Variants in ADD3 observed in about 807,000 individuals in gnomAD.
The protein encoded by ADD3 is adducin 3.
Under a neutral mutation model 80.2 loss-of-function variants are expected in ADD3, and 25 were observed. The observed-to-expected ratio is 0.31, with a 90% CI of 0.23 to 0.44. The LOEUF (loss-of-function observed/expected upper bound fraction) is 0.44, where lower values mean the gene tolerates loss of function less well. Among genes scored for constraint, ADD3 ranks in the 20% least tolerant of loss-of-function variants. The probability of loss-of-function intolerance (pLI) is 1.00; values close to 1 mark genes in which losing one functional copy is unlikely to be tolerated. For synonymous variants in ADD3, 284 were observed against 289.6 expected (o/e 0.98, Z 0.20); for missense variants, 829 against 847.5 (o/e 0.98, Z 0.27).
intron 1 of ADD3, among the ~76,000 whole-genome samples, chr10:110,057,802 A>C (rs1393729531): frequency 1.3e-5 from 2 of 152,238 alleles, no homozygotes; most frequent in Non-Finnish European, 2.9e-5. Context: ...TTTAAGAATC[A>C]CTGTAATTTA....
intron 1 of ADD3, among the ~76,000 whole-genome samples, chr10:110,050,294 C>T (rs1030712147): frequency 1.3e-5 from 2 of 151,970 alleles, no homozygotes; most frequent in African/African-American, 4.8e-5. Flanking sequence ...TAGGAGGGAC[C>T]CAGTGGGAGA....
At chr10:110,004,097 T>C (rs898284079), upstream of ADD3, among the ~76,000 whole-genome samples, 1 of 152,048 alleles carries the variant, frequency 6.6e-6, no homozygotes, top group South Asian at 2.1e-4. Flanking sequence ...ATTATACAAA[T>C]AATCACCATT....
chr10:110,040,913 G>A (rs942346339), intron 1 of ADD3, among the ~76,000 whole-genome samples: 1 of 150,606 alleles, frequency 6.6e-6, no homozygotes, highest in Admixed American at 6.7e-5. Flanking sequence ...TTGCACGCAC[G>A]CGCTCTCTCT....
At chr10:110,023,361 A>C (rs1214464143) in intron 1 of ADD3, among the ~76,000 whole-genome samples, 1 of 152,180 alleles carries the variant, frequency 6.6e-6, no homozygotes, top group Non-Finnish European at 1.5e-5. Flanking sequence ...TCTTGATCTT[A>C]GACTTCCCAG....
At chr10:110,021,018 T>C (rs1261118623) in intron 1 of ADD3, among the ~76,000 whole-genome samples, 3 of 152,232 alleles carry the variant, frequency 2.0e-5, no homozygotes, top group African/African-American at 7.2e-5. Flanking sequence ...TATATAAACT[T>C]GTGAGTTGTC....
rs752064287 is a variant in ADD3, at chr10:110,122,205, T to TGGA, written c.1062_1064dup (p.Gly355dup). On this transcript the variant is annotated inframe_insertion, in exon 9 of 15. Coordinates refer to ENST00000356080, the MANE Select transcript of ADD3 (RefSeq NM_016824.5). ...TCACTTACACTGTAGCAGCGTCTGGTGGAGGAGGTGTGAATATGGGTTCCC... is the reference window on the plus strand; with the variant it reads ...TCACTTACACTGTAGCAGCGTCTGGTGGAGGAGGAGGTGTGAATATGGGTTCCC... The TGGA allele has an allele frequency of 9.9e-6, 16 of 1,614,038 alleles. No individual in the cohort carries two copies. The Admixed American group carries it at 2.7e-4, about 27-fold the overall frequency.
chr10:110,069,442 T>A (rs1202936154), intron 1 of ADD3, among the ~76,000 whole-genome samples: 2 of 152,212 alleles, frequency 1.3e-5, no homozygotes, highest in Non-Finnish European at 2.9e-5. Flanking sequence ...CCTTAGCCCA[T>A]TTTTCAATCC....
intron 1 of ADD3, among the ~76,000 whole-genome samples, chr10:110,058,459 TG>T (rs1169488753): frequency 1.3e-5 from 2 of 152,210 alleles, no homozygotes; most frequent in Non-Finnish European, 2.9e-5. Context: ...ATTTCTAATG[TG>T]TACCATCTGA....
intron 1 of ADD3, among the ~76,000 whole-genome samples, chr10:110,078,320 A>G (rs1845616007): frequency 1.3e-5 from 2 of 152,144 alleles, no homozygotes. Context: ...TGAGTACCCT[A>G]ATTTTCTTTG....
At chr10:110,131,600 G>T (rs1387317490) in intron 13 of ADD3, among the ~76,000 whole-genome samples, 1 of 152,176 alleles carries the variant, frequency 6.6e-6, no homozygotes, top group African/African-American at 2.4e-5. Flanking sequence ...CCAAGGAACA[G>T]TTTTTTGTGC....
At chr10:110,040,857 A>G (rs1182106752) in intron 1 of ADD3, among the ~76,000 whole-genome samples, 1 of 152,150 alleles carries the variant, frequency 6.6e-6, no homozygotes, top group East Asian at 1.9e-4. Context: ...CAGGTTAAAG[A>G]AGTGCCTAAT....
intron 1 of ADD3, among the ~76,000 whole-genome samples, chr10:110,086,772 T>C (rs1466456868): frequency 6.6e-6 from 1 of 152,198 alleles, no homozygotes; most frequent in East Asian, 1.9e-4. Context: ...ATTAAACCTC[T>C]TTATAGATTA....
intron 1 of ADD3, among the ~76,000 whole-genome samples, chr10:110,056,546 G>A (rs887772061): frequency 2.1e-4 from 32 of 152,112 alleles, no homozygotes; most frequent in African/African-American, 7.5e-4. Context: ...TTTAGAAGTA[G>A]AAAATACCTT....
At chr10:110,106,859 G>A (rs994591020) in intron 2 of ADD3, among the ~76,000 whole-genome samples, 132 of 152,066 alleles carry the variant, frequency 8.7e-4, no homozygotes, top group African/African-American at 3.2e-3. Context: ...CATTCAATGA[G>A]GATGAATTTC....
chr10:110,065,539 C>CATTTTTTTTTTTTTTT, intron 1 of ADD3, among the ~76,000 whole-genome samples: 1 of 31,186 alleles, frequency 3.2e-5, no homozygotes, highest in African/African-American at 7.9e-5. Context: ...TCTCTCTCCC[C>CATTTTTTTTTTTTTTT]TTTTTTTTTT....
intron 1 of ADD3, among the ~76,000 whole-genome samples, chr10:110,019,611 C>T (rs1853424427): frequency 6.6e-6 from 1 of 152,186 alleles, no homozygotes; most frequent in Non-Finnish European, 1.5e-5. Flanking sequence ...ACCTCGGCCT[C>T]CCAAAGTGCT....
chr10:110,066,685 G>C (rs1311367733), intron 1 of ADD3, among the ~76,000 whole-genome samples: 1 of 151,940 alleles, frequency 6.6e-6, no homozygotes, highest in African/African-American at 2.4e-5. Flanking sequence ...TCTGTTACAG[G>C]CTTCGATAAG....
chr10:110,100,443 G>A (rs2900865), intron 1 of ADD3, among the ~76,000 whole-genome samples, 182 bp from the exon 2 acceptor site: 9,986 of 151,118 alleles, frequency 0.066, 564 homozygotes, highest in African/African-American at 0.15. Flanking sequence ...ATTACAAATC[G>A]AGCATTATAA....
At chr10:110,040,072 G>T (rs1589831331) in intron 1 of ADD3, among the ~76,000 whole-genome samples, 1 of 152,186 alleles carries the variant, frequency 6.6e-6, no homozygotes, top group Non-Finnish European at 1.5e-5. Flanking sequence ...CGTGAGAAGG[G>T]ACTACACATG....
Sources: gnomAD v4.1 joint callset for allele counts (sites outside exome capture counted in the v4.1 genomes callset) on GRCh38, gnomAD v4.1.1 for gene constraint, MANE v1.5 for transcripts, NCBI Gene and HGNC (gene_info 2026-07-23, HGNC 2026-07-21) for gene names.